The following CDH18 variants were observed in gnomAD, a reference collection of about 807,000 sequenced individuals.
CDH18 encodes the protein cadherin 18.
In CDH18, 31 loss-of-function variants were observed where a neutral mutation model predicts 67.9. The observed-to-expected ratio is 0.46, with a 90% CI of 0.34 to 0.62. The LOEUF (loss-of-function observed/expected upper bound fraction) is 0.62. Ranked by LOEUF, CDH18 falls within the 20% of genes least tolerant of loss-of-function variation. The probability of loss-of-function intolerance (pLI) is 0.01; values close to 1 mark genes in which losing one functional copy is unlikely to be tolerated. For missense variants in CDH18, 890 were observed against 975.5 expected (o/e 0.91, Z 1.17); for synonymous variants, 362 against 347.2 (o/e 1.04, Z -0.48).
At chr5:19,877,381 G>T (rs912496484) in intron 2 of CDH18, among the ~76,000 whole-genome samples, 13 of 152,052 alleles carry the variant, frequency 8.5e-5, no homozygotes, top group South Asian at 6.2e-4. Flanking sequence ...TCTAATTTGG[G>T]GATTTTTTTC....
At chr5:19,769,306 A>T (rs548144587) in intron 3 of CDH18, among the ~76,000 whole-genome samples, 23 of 152,128 alleles carry the variant, frequency 1.5e-4, no homozygotes, top group Non-Finnish European at 3.2e-4. Flanking sequence ...TCCTGAAAGT[A>T]GCAAGAGAAA....
chr5:20,322,871 A>C (rs1169154373), intron 1 of CDH18, among the ~76,000 whole-genome samples: 4 of 152,200 alleles, frequency 2.6e-5, no homozygotes, highest in African/African-American at 9.6e-5. Context: ...GAGAATTTGC[A>C]AGACTTTTGC....
chr5:20,100,828 C>A (rs973716082), intron 2 of CDH18, among the ~76,000 whole-genome samples: 1 of 152,106 alleles, frequency 6.6e-6, no homozygotes, highest in Non-Finnish European at 1.5e-5. Context: ...TTTCTCTTGG[C>A]ATCTATCTGT....
intron 1 of CDH18, among the ~76,000 whole-genome samples, chr5:20,332,574 G>A (rs1029391672): frequency 6.6e-6 from 1 of 152,110 alleles, no homozygotes; most frequent in African/African-American, 2.4e-5. Context: ...GACTTTAAGT[G>A]AAACAATGTA....
chr5:19,790,282 C>T (rs1271620514), intron 3 of CDH18, among the ~76,000 whole-genome samples: 1 of 152,138 alleles, frequency 6.6e-6, no homozygotes, highest in Non-Finnish European at 1.5e-5. Flanking sequence ...GACAAGGATG[C>T]ACTTTCAATT....
chr5:19,699,642 C>CTGTGTGTGTG lies in CDH18; in HGVS notation c.643+21695_643+21704dup, dbSNP rs70950085. Among the ~76,000 whole-genome samples, 441 of 144,450 alleles carry CTGTGTGTGTG rather than the reference C, an allele frequency of 3.1e-3. 1 individual carries two copies. The highest frequency in any genetic ancestry group is 0.012 in the South Asian group (52 of 4,270). The allele number at this position is 144,450 out of a possible 152,430, so 94.8% of individuals were successfully genotyped here. On this transcript the variant is annotated intron_variant, in intron 5 of 12. Coordinates refer to ENST00000382275, the MANE Select transcript of CDH18 (RefSeq NM_004934.5). ...TGTGTGTGTGTGTGTGTGTGTGTGT[C>CTGTGTGTGTG]TGTGTGTGTGTGTGTGTGTGTGTTT... is the stretch of plus-strand genomic sequence containing the variant.
At chr5:20,193,098 T>C (rs1163777006) in intron 2 of CDH18, among the ~76,000 whole-genome samples, 1 of 152,140 alleles carries the variant, frequency 6.6e-6, no homozygotes, top group East Asian at 1.9e-4. Context: ...AAGTATTGTA[T>C]TCTCTTTGTA....
intron 10 of CDH18, among the ~76,000 whole-genome samples, chr5:19,516,119 G>T (rs1745952037): frequency 6.6e-6 from 1 of 152,142 alleles, no homozygotes; most frequent in African/African-American, 2.4e-5. Flanking sequence ...TGTGGTTTTT[G>T]TCTTTGGATA....
rs184115719 is a variant in CDH18 at position 19,750,053 on chromosome 5, T to C, written c.229-2817A>G. Among the ~76,000 whole-genome samples, 287 of 152,170 alleles carry C rather than the reference T, an allele frequency of 1.9e-3. 1 individual carries two copies. The highest frequency in any genetic ancestry group is 7.5e-3 in the South Asian group (36 of 4,828). ...ATTTAGCATGAGTTTTTAAATAACG[T>C]AGATGATCATTTTATTAATGAAATT... On this transcript the variant is annotated intron_variant, in intron 3 of 12. Transcript: ENST00000382275.
At chr5:19,954,627 A>C (rs1158711605) in intron 2 of CDH18, among the ~76,000 whole-genome samples, 1 of 152,096 alleles carries the variant, frequency 6.6e-6, no homozygotes, top group Non-Finnish European at 1.5e-5. Flanking sequence ...TGAAGAAAGA[A>C]GAGACCAAGA....
intron 2 of CDH18, among the ~76,000 whole-genome samples, chr5:20,248,659 T>C (rs1023713316): frequency 6.6e-5 from 10 of 152,236 alleles, no homozygotes; most frequent in Non-Finnish European, 1.2e-4. Context: ...GTCAACCCTG[T>C]GTGACCTTCT....
intron 1 of CDH18, among the ~76,000 whole-genome samples, chr5:20,431,107 TA>T (rs1429223628): frequency 6.6e-6 from 1 of 152,112 alleles, no homozygotes; most frequent in Admixed American, 6.6e-5. Context: ...AATATTGTGT[TA>T]AAATAAGCAG....
intron 3 of CDH18, among the ~76,000 whole-genome samples, chr5:19,753,806 G>A (rs1342921666): frequency 2.6e-5 from 4 of 152,138 alleles, no homozygotes; most frequent in African/African-American, 9.7e-5. Context: ...AAGCTCGAAG[G>A]AATTGGGGCT....
intron 2 of CDH18, among the ~76,000 whole-genome samples, chr5:20,199,463 C>T (rs1739266951): frequency 6.6e-6 from 1 of 152,292 alleles, no homozygotes. Context: ...GGTTTATTTA[C>T]ACAATGCCTG....
chr5:20,091,827 T>C (rs974658172), intron 2 of CDH18, among the ~76,000 whole-genome samples: 3 of 152,086 alleles, frequency 2.0e-5, no homozygotes, highest in Non-Finnish European at 4.4e-5. Context: ...AGAAATAACA[T>C]TCAACTACCA....
chr5:19,650,540 A>C (rs78801841), intron 5 of CDH18, among the ~76,000 whole-genome samples: 1,755 of 152,170 alleles, frequency 0.012, 33 homozygotes, highest in African/African-American at 0.041. Context: ...GGAGATAAAG[A>C]GAAAATAAAG....
chr5:20,011,280 C>G (rs1199236866), intron 2 of CDH18, among the ~76,000 whole-genome samples: 1 of 152,088 alleles, frequency 6.6e-6, no homozygotes, highest in Admixed American at 6.6e-5. Context: ...TTCAGAAATG[C>G]TAGCAATTTT....
intron 2 of CDH18, among the ~76,000 whole-genome samples, chr5:20,236,535 G>A (rs1742488552): frequency 6.6e-6 from 1 of 151,696 alleles, no homozygotes; most frequent in South Asian, 2.1e-4. Context: ...TTATTAAAAG[G>A]ACAACAAAAA....
intron 2 of CDH18, among the ~76,000 whole-genome samples, chr5:20,092,562 A>T (rs1483066250): frequency 2.6e-5 from 4 of 152,200 alleles, no homozygotes; most frequent in Admixed American, 2.6e-4. Context: ...CATGATTGAA[A>T]GTAAACTTTT....
Sources: allele counts gnomAD v4.1 joint callset (sites outside exome capture counted in the v4.1 genomes callset), GRCh38; gene constraint gnomAD v4.1.1; transcripts MANE v1.5; gene names NCBI Gene and HGNC (gene_info 2026-07-23, HGNC 2026-07-21).